C2CD3: variants seen among roughly 807,000 people sequenced by gnomAD.
The protein encoded by C2CD3 is C2 domain containing 3 centriole elongation regulator.
C2CD3 carries 148 observed loss-of-function variants against 234.0 expected under a neutral mutation model. That is an observed-to-expected ratio of 0.63 (90% CI 0.55 to 0.72). The LOEUF is 0.72. Ranked by LOEUF, C2CD3 falls within the 30% of genes least tolerant of loss-of-function variation. The probability of loss-of-function intolerance (pLI) is 0.00; values close to 1 mark genes in which losing one functional copy is unlikely to be tolerated. For missense variants in C2CD3, 2,577 were observed against 2,811.5 expected (o/e 0.92, Z 1.89); for synonymous variants, 1,000 against 1,035.4 (o/e 0.97, Z 0.66).
At chr11:74,020,939 A>C (rs1035576095) in intron 32 of C2CD3, among the ~76,000 whole-genome samples, 7 of 152,234 alleles carry the variant, frequency 4.6e-5, no homozygotes, top group African/African-American at 1.4e-4. Flanking sequence ...GTGAGGAGCA[A>C]GGGAAGCAGC....
In C2CD3 at chr11:74,078,594, C is replaced by G. The variant is rs779543634; in HGVS notation, c.4124G>C (p.Arg1375Thr). 1 of 1,614,180 alleles carries G rather than the reference C, an allele frequency of 6.2e-7. No homozygotes were observed. Among genetic ancestry groups the G allele is most frequent in the East Asian group, 2.2e-5 (1 of 44,880 alleles). ...LSISFTHRGD[R>T]ERVLEAAEHL... The stretch of plus-strand genomic sequence containing the variant: ...CTCAGCAGCTTCCAACACCCGTTCT[C>G]TATCTCCACGATGCGTGAAGGAAAT... The change falls in exon 23 of 33, where the codon AGA becomes ACA. Residue 1375 changes from arginine (R) to threonine (T), a missense_variant. By Grantham distance (71) the Arg-to-Thr change is moderately conservative (BLOSUM62 -1). Transcript: ENST00000334126.
At chr11:74,076,443 G>T (rs1447430899) in intron 23 of C2CD3, among the ~76,000 whole-genome samples, 1 of 152,186 alleles carries the variant, frequency 6.6e-6, no homozygotes, top group East Asian at 1.9e-4. Context: ...TATTTGTAAA[G>T]AATCTAGTCT....
At chr11:74,103,657 G>C in intron 13 of C2CD3, 32 bp from the exon 14 acceptor site, 1 of 1,566,028 alleles carries the variant, frequency 6.4e-7, no homozygotes, top group Non-Finnish European at 8.6e-7. Flanking sequence ...GAGTCAATAA[G>C]AATGTCCTTT....
chr11:74,034,224 C>T lies in C2CD3; in HGVS notation c.5936G>A (p.Arg1979Lys), dbSNP rs1952630139. ...SQAALSSHRARSRSNKATTLP... is the reference protein window; with the variant it reads ...SQAALSSHRAKSRSNKATTLP... The stretch of plus-strand genomic sequence containing the variant: ...GGTGGTGGCCTTGTTGCTTCTACTC[C>T]TGGCTCGGTGAGAACTCAAAGCTGC... The change falls in exon 31 of 33, where the codon AGG (arginine) becomes AAG (lysine). Residue 1979 changes from arginine to lysine, a missense_variant. Physicochemically the swap from Arg to Lys is conservative, Grantham distance 26. Coordinates refer to ENST00000334126, the MANE Select transcript of C2CD3 (RefSeq NM_001286577.2). 6.5e-7 allele frequency: 1 copy of T among 1,536,104 alleles called. No homozygotes were observed. Among genetic ancestry groups the T allele is most frequent in the Non-Finnish European group, 8.7e-7 (1 of 1,146,912 alleles).
At chr11:74,081,004 T>C (rs1217786702) in intron 22 of C2CD3, among the ~76,000 whole-genome samples, 1 of 152,142 alleles carries the variant, frequency 6.6e-6, no homozygotes, top group East Asian at 1.9e-4. Context: ...ACAGTACCTG[T>C]TTATTAGGGT....
At chr11:74,057,294 G>T (rs1247381041) in intron 25 of C2CD3, 112 bp downstream of exon 25, 1 of 1,029,866 alleles carries the variant, frequency 9.7e-7, no homozygotes. Flanking sequence ...GATAAGAAAA[G>T]CATTTTCCAG....
At chr11:74,035,317 A>G (rs1253476525) in intron 30 of C2CD3, among the ~76,000 whole-genome samples, 1 of 152,226 alleles carries the variant, frequency 6.6e-6, no homozygotes, top group East Asian at 1.9e-4. Flanking sequence ...TGGCCTGAAC[A>G]TGCTTTCTGT....
intron 3 of C2CD3, among the ~76,000 whole-genome samples, chr11:74,155,465 A>G (rs1445290688): frequency 6.6e-6 from 1 of 152,226 alleles, no homozygotes; most frequent in East Asian, 1.9e-4. Flanking sequence ...TGCTAATAGC[A>G]ACATTATTAA....
intron 7 of C2CD3, among the ~76,000 whole-genome samples, chr11:74,125,732 AT>A (rs1957392323): frequency 6.6e-6 from 1 of 152,138 alleles, no homozygotes; most frequent in Admixed American, 6.5e-5. Context: ...CCTGGTATAA[AT>A]TAACTGCCTT....
At chr11:74,117,371 T>TATATATATATATATATATATAC in intron 9 of C2CD3, among the ~76,000 whole-genome samples, 1 of 67,370 alleles carries the variant, frequency 1.5e-5, no homozygotes, top group Non-Finnish European at 2.6e-5. Context: ...AATATATATA[T>TATATATATATATATATATATAC]ATATATATAT....
chr11:74,149,595 AACT>A lies in C2CD3; in HGVS notation c.484-9770_484-9768del, dbSNP rs565771338. 3.7e-3 allele frequency among the ~76,000 whole-genome samples: 549 copies of A among 149,760 alleles called. 9 individuals are homozygous for A. Among genetic ancestry groups the A allele is most frequent in the Admixed American group, 0.034 (510 of 15,192 alleles). On this transcript the variant is annotated intron_variant, in intron 3 of 32. Transcript: ENST00000334126. ...TTTTCAGACACAATAGGTGTTTTGT[AACT>A]TTTTTTTTTTTTTGAGAAATCTCTC...
intron 13 of C2CD3, among the ~76,000 whole-genome samples, chr11:74,104,726 A>G (rs376631626): frequency 2.0e-5 from 3 of 152,198 alleles, no homozygotes; most frequent in East Asian, 3.8e-4. Flanking sequence ...AGGAGACTCA[A>G]TTACTAGGGG....
Position 74,170,770 on chromosome 11 carries a change from C to T in C2CD3, c.23G>A (p.Gly8Glu). 6.2e-7 allele frequency: 1 copy of T among 1,614,186 alleles called. No individual in the cohort carries two copies. Among genetic ancestry groups the T allele is most frequent in the Non-Finnish European group, 8.5e-7 (1 of 1,180,040 alleles). ...TTTGCGCCCACGGCTGCCCCCAGAC[C>T]CTTGGCCTTTTCGTTGTTTCATGAT... is the stretch of plus-strand genomic sequence containing the variant. MKQRKGQ[G>E]SGGSRGRKKR... is the part of the protein sequence containing the mutation. The change falls in exon 1 of 33, where the codon GGG becomes GAG. Residue 8 changes from glycine (G) to glutamate (E), a missense_variant. By Grantham distance (98) the Gly-to-Glu change is moderately conservative. Transcript: ENST00000334126.
intron 15 of C2CD3, among the ~76,000 whole-genome samples, chr11:74,098,972 A>C (rs1342334697): frequency 6.6e-6 from 1 of 152,202 alleles, no homozygotes; most frequent in Non-Finnish European, 1.5e-5. Context: ...GGTTGTTAGG[A>C]CTAAACTGAG....
intron 32 of C2CD3, among the ~76,000 whole-genome samples, chr11:74,018,893 G>A (rs566221387): frequency 2.0e-5 from 3 of 152,122 alleles, no homozygotes; most frequent in East Asian, 1.9e-4. Context: ...TCTTATTACC[G>A]ATATGCTCCC....
chr11:74,053,034 A>C (rs826087), intron 26 of C2CD3, among the ~76,000 whole-genome samples: 18,326 of 152,194 alleles, frequency 0.12, 3,497 homozygotes, highest in African/African-American at 0.41. Flanking sequence ...GATGGTTAGA[A>C]GTCCTCATCA....
rs978530049 is a variant in C2CD3, at chr11:74,153,938, T to C, written c.483+7461A>G. Among the ~76,000 whole-genome samples the C allele has an allele frequency of 2.6e-5, 4 of 152,024 alleles. No individual in the cohort carries two copies. In the South Asian group the frequency reaches 6.2e-4, roughly 24 times the overall value. On this transcript the variant is annotated intron_variant, in intron 3 of 32. Transcript: ENST00000334126. ...TCACATATATATAATCAATTGATTATATTCAAACAAAATTTAATGGGGTGG... is the reference window on the plus strand; with the variant it reads ...TCACATATATATAATCAATTGATTACATTCAAACAAAATTTAATGGGGTGG...
rs766398654 is a variant in C2CD3, at chr11:74,078,321, G to T, written c.4397C>A (p.Thr1466Asn). 1.2e-6 allele frequency: 2 copies of T among 1,614,178 alleles called. No homozygotes were observed. Among genetic ancestry groups the T allele is most frequent in the South Asian group, 2.2e-5 (2 of 91,084 alleles). The change falls in exon 23 of 33, where the codon ACT becomes AAT. Residue 1466 changes from threonine (T) to asparagine (N), a missense_variant. Coordinates refer to ENST00000334126, the MANE Select transcript of C2CD3 (RefSeq NM_001286577.2). Reference sequence around the variant, plus strand: ...TTCTGCTCTTTTGGATGCCTTGAAAGTGACCATAATCTGCTTTTTGTTTAC... The same window carrying T: ...TTCTGCTCTTTTGGATGCCTTGAAATTGACCATAATCTGCTTTTTGTTTAC... ...ESVNKKQIMV[T>N]FKASKRAEVT...
chr11:74,168,212 A>G (rs1856929726), intron 2 of C2CD3, 132 bp downstream of exon 2: 10 of 723,432 alleles, frequency 1.4e-5, no homozygotes, highest in Admixed American at 5.5e-5. Context: ...AATGTCTACT[A>G]TAAAAACTCT....
Sources: allele counts gnomAD v4.1 joint callset (sites outside exome capture counted in the v4.1 genomes callset), GRCh38; gene constraint gnomAD v4.1.1; transcripts MANE v1.5; gene names NCBI Gene and HGNC (gene_info 2026-07-23, HGNC 2026-07-21).